USP31: variants seen among roughly 807,000 people sequenced by gnomAD.
USP31 encodes the protein ubiquitin carboxyl-terminal hydrolase 31.
A neutral mutation model predicts 119.4 loss-of-function variants in USP31; 44 were observed. The ratio of observed to expected loss-of-function variants is 0.37; its 90% confidence interval spans 0.29 to 0.47. The LOEUF (loss-of-function observed/expected upper bound fraction) is 0.47, where lower values mean the gene tolerates loss of function less well. Ranked by LOEUF, USP31 falls within the 20% of genes least tolerant of loss-of-function variation. USP31 has a pLI of 0.99. For missense variants in USP31, 1,643 were observed against 1,730.2 expected, an observed-to-expected ratio of 0.95 and a Z score of 0.89; for synonymous variants, 749 against 705.6, an observed-to-expected ratio of 1.06 and a Z score of -0.97.
At chr16:23,145,041 C>A (rs4967976) in intron 1 of USP31, among the ~76,000 whole-genome samples, 34,750 of 152,044 alleles carry the variant, frequency 0.23, 4,746 homozygotes, top group Admixed American at 0.31. Flanking sequence ...TTCCTGCACC[C>A]CCACTGCTCT....
At chr16:23,116,530 T>C (rs1902490725) in intron 1 of USP31, among the ~76,000 whole-genome samples, 1 of 152,226 alleles carries the variant, frequency 6.6e-6, no homozygotes, top group African/African-American at 2.4e-5. Context: ...TGCAATAGTA[T>C]GACATACTAG....
chr16:23,099,227 A>G (rs890881765), intron 6 of USP31, among the ~76,000 whole-genome samples: 3 of 152,254 alleles, frequency 2.0e-5, no homozygotes, highest in Non-Finnish European at 4.4e-5. Flanking sequence ...AATGCTCATC[A>G]TCACTGGTCA....
intron 1 of USP31, among the ~76,000 whole-genome samples, chr16:23,121,361 A>G (rs1165529047): frequency 6.6e-6 from 1 of 152,188 alleles, no homozygotes; most frequent in Non-Finnish European, 1.5e-5. Context: ...CACAAGAATC[A>G]GATCTCCTAA....
chr16:23,148,569 G>T, intron 1 of USP31, 69 bp downstream of exon 1: 80 of 1,392,760 alleles, frequency 5.7e-5, no homozygotes, highest in Non-Finnish European at 7.4e-5. Context: ...CCGAGGGAAG[G>T]AAGACCTGGG....
At chr16:23,119,007 C>A (rs1016742256) in intron 1 of USP31, among the ~76,000 whole-genome samples, 6 of 151,872 alleles carry the variant, frequency 4.0e-5, no homozygotes, top group Non-Finnish European at 7.4e-5. Flanking sequence ...TAAATTCACC[C>A]TTAGGAAATT....
At chr16:23,102,277 C>A in intron 6 of USP31, 42 bp downstream of exon 6, 1 of 1,583,668 alleles carries the variant, frequency 6.3e-7, no homozygotes, top group Admixed American at 1.9e-5. Flanking sequence ...ATAGTTAAAC[C>A]TGCAAACCCA....
At chr16:23,081,540 T>A (rs1353746835) in intron 12 of USP31, among the ~76,000 whole-genome samples, 1 of 152,226 alleles carries the variant, frequency 6.6e-6, no homozygotes, top group Admixed American at 6.5e-5. Context: ...AGGGCCTCCT[T>A]CAGGTCTCCC....
chr16:23,093,908 G>C (rs957031721), intron 6 of USP31, among the ~76,000 whole-genome samples: 3 of 152,212 alleles, frequency 2.0e-5, no homozygotes, highest in African/African-American at 4.8e-5. Context: ...AACAGCTCTG[G>C]TCTGCAGCTC....
intron 1 of USP31, among the ~76,000 whole-genome samples, chr16:23,148,089 T>C (rs541560562): frequency 6.6e-6 from 1 of 152,362 alleles, no homozygotes; most frequent in South Asian, 2.1e-4. Context: ...GGAAGTATTT[T>C]ACTTATCAGG....
intron 14 of USP31, chr16:23,072,577 A>G (rs1463384068): frequency 7.8e-6 from 4 of 511,830 alleles, no homozygotes; most frequent in Non-Finnish European, 1.0e-5. Context: ...AATTGCAGTA[A>G]TATTTCTTAC....
intron 1 of USP31, among the ~76,000 whole-genome samples, chr16:23,123,481 T>C (rs1902746058): frequency 6.6e-6 from 1 of 151,900 alleles, no homozygotes; most frequent in South Asian, 2.1e-4. Context: ...GAGGATGCAG[T>C]GAGCCGAGAT....
At chr16:23,112,499 C>T (rs755737410) in intron 1 of USP31, among the ~76,000 whole-genome samples, 5 of 151,890 alleles carry the variant, frequency 3.3e-5, no homozygotes, top group Middle Eastern at 3.4e-3. Context: ...TGCTTGAACC[C>T]GGGAGGCAGA....
In USP31 at chr16:23,062,109, C is replaced by T. The variant is rs1840335553; in HGVS notation, c.*5937G>A. ...AAAGAAACATTTCCAACTTGCATGT[C>T]TACTTGTATCTTCATTCCTTAAAAT... On this transcript the variant is annotated 3_prime_UTR_variant, in exon 16 of 16. Transcript: ENST00000219689. 1 of 152,650 alleles carries T rather than the reference C, an allele frequency of 6.6e-6. No individual in the cohort carries two copies. The allele number at this position is 152,650 out of a possible 1,614,324, so 9.5% of individuals were successfully genotyped here. A position where few individuals can be genotyped will look rare whatever the true frequency, so the allele number is the denominator to read the frequency against.
intron 12 of USP31, among the ~76,000 whole-genome samples, chr16:23,081,394 T>G (rs1900817563): frequency 6.6e-6 from 1 of 152,122 alleles, no homozygotes; most frequent in Non-Finnish European, 1.5e-5. Flanking sequence ...CAAACCTCTG[T>G]GTGAAAGCCC....
chr16:23,132,506 CA>C (rs1330830036), intron 1 of USP31, among the ~76,000 whole-genome samples: 24 of 151,928 alleles, frequency 1.6e-4, no homozygotes, highest in Admixed American at 1.3e-3. Flanking sequence ...ACAAATAGAA[CA>C]AAAGTAGCAG....
At chr16:23,148,572 G>C (rs1205931924) in intron 1 of USP31, 66 bp downstream of exon 1, 2 of 1,396,980 alleles carry the variant, frequency 1.4e-6, no homozygotes, top group Non-Finnish European at 1.8e-6. Context: ...AGGGAAGGAA[G>C]ACCTGGGCGG....
chr16:23,126,887 A>G (rs1305633900), intron 1 of USP31, among the ~76,000 whole-genome samples: 1 of 149,876 alleles, frequency 6.7e-6, no homozygotes, highest in Non-Finnish European at 1.5e-5. Context: ...ACACACCCAT[A>G]TATGAATACA....
At chr16:23,100,078 A>T (rs575571906) in intron 6 of USP31, among the ~76,000 whole-genome samples, 9 of 152,348 alleles carry the variant, frequency 5.9e-5, no homozygotes, top group African/African-American at 2.2e-4. Context: ...CACTGCTGAT[A>T]AAAATGTAAC....
intron 6 of USP31, among the ~76,000 whole-genome samples, chr16:23,095,334 A>C (rs1901555402): frequency 6.6e-6 from 1 of 152,238 alleles, no homozygotes; most frequent in South Asian, 2.1e-4. Flanking sequence ...CTTCCAAAAA[A>C]TATGGGGCTA....
Sources: gnomAD v4.1 joint callset for allele counts (sites outside exome capture counted in the v4.1 genomes callset) on GRCh38, gnomAD v4.1.1 for gene constraint, MANE v1.5 for transcripts, NCBI Gene and HGNC (gene_info 2026-07-23, HGNC 2026-07-21) for gene names.